PCDH11X: variants seen among roughly 807,000 people sequenced by gnomAD.
PCDH11X encodes protocadherin-11 X-linked.
Under a neutral mutation model 53.3 loss-of-function variants are expected in PCDH11X, and 18 were observed. The observed-to-expected ratio is 0.34, with a 90% CI of 0.23 to 0.50. The LOEUF is 0.50. PCDH11X is among the 20% of genes least tolerant of loss of function. The pLI, the probability that PCDH11X is intolerant of heterozygous loss-of-function variation, is 0.98. For synonymous variants in PCDH11X, 279 were observed against 393.3 expected (o/e 0.71, Z 3.44); for missense variants, 570 against 1,032.4 (o/e 0.55, Z 6.14).
intron 6 of PCDH11X, among the ~76,000 whole-genome samples, chrX:91,924,596 C>T (rs112366496): frequency 6.6e-4 from 74 of 112,053 alleles, no homozygotes; most frequent in African/African-American, 2.2e-3. Flanking sequence ...TAAATCAAGC[C>T]ATATGCATAA....
chrX:92,620,499 A>G lies in PCDH11X; in HGVS notation c.*1559A>G, dbSNP rs925639365. On this transcript the variant is annotated 3_prime_UTR_variant, in exon 11 of 11. Coordinates refer to ENST00000682573, the MANE Select transcript of PCDH11X (RefSeq NM_032968.5). ...GCGGTTGGGGTGGGGGGGGGAGTCA[A>G]TATCTCCTATTGATTAACTTAGACA... 9.2e-5 allele frequency: 10 copies of G among 108,493 alleles called. No homozygotes were observed. Among genetic ancestry groups the G allele is most frequent in the African/African-American group, 3.0e-4 (9 of 29,908 alleles). The allele number at this position is 108,493 out of a possible 1,213,427, so 8.9% of individuals were successfully genotyped here.
chrX:92,307,050 A>G (rs1368207633), intron 8 of PCDH11X, among the ~76,000 whole-genome samples: 3 of 109,654 alleles, frequency 2.7e-5, no homozygotes, highest in Non-Finnish European at 5.7e-5. Context: ...AGAAAAGTTA[A>G]CATCAATCCC....
chrX:92,387,508 T>C, intron 8 of PCDH11X: 2 of 331,397 alleles, frequency 6.0e-6, no homozygotes, highest in Non-Finnish European at 7.9e-6. Context: ...TCATTCTGCA[T>C]CTGGCTGTGC....
At chrX:91,983,985 A>G (rs1358138769) in intron 6 of PCDH11X, among the ~76,000 whole-genome samples, 1 of 108,614 alleles carries the variant, frequency 9.2e-6, no homozygotes, top group Non-Finnish European at 1.9e-5. Context: ...AATCATCTCA[A>G]TTTACTACTG....
At chrX:91,926,404 C>T (rs1466511956) in intron 6 of PCDH11X, among the ~76,000 whole-genome samples, 1 of 111,110 alleles carries the variant, frequency 9.0e-6, no homozygotes, top group East Asian at 2.9e-4. Context: ...CAAAAACACC[C>T]TTCAAGTTGG....
chrX:92,223,691 GCT>G (rs1329646346), intron 7 of PCDH11X, among the ~76,000 whole-genome samples: 1 of 111,658 alleles, frequency 9.0e-6, no homozygotes, highest in African/African-American at 3.3e-5. Flanking sequence ...CTATTTAATA[GCT>G]CTGAGTTTTA....
chrX:92,093,359 G>T lies in PCDH11X; in HGVS notation c.3034-108016G>T, dbSNP rs1405680495. ...TTGCTTTTCCCTTTTAGCATAATTTGCACATTTTAAATCATGTAACCATTT... is the reference window on the plus strand; with the variant it reads ...TTGCTTTTCCCTTTTAGCATAATTTTCACATTTTAAATCATGTAACCATTT... On this transcript the variant is annotated intron_variant, in intron 6 of 10. Coordinates refer to ENST00000682573, the MANE Select transcript of PCDH11X (RefSeq NM_032968.5). 3.6e-5 allele frequency among the ~76,000 whole-genome samples: 4 copies of T among 110,904 alleles called. No individual in the cohort carries two copies. In the Admixed American group the frequency reaches 3.9e-4, roughly 11 times the overall value.
chrX:92,218,626 G>C (rs1472578012), intron 7 of PCDH11X, among the ~76,000 whole-genome samples: 1 of 111,139 alleles, frequency 9.0e-6, no homozygotes, highest in Non-Finnish European at 1.9e-5. Context: ...GTACAAGGAG[G>C]AATTGGTACC....
chrX:92,165,495 C>T (rs1282220615), intron 6 of PCDH11X, among the ~76,000 whole-genome samples: 2 of 111,703 alleles, frequency 1.8e-5, no homozygotes, highest in African/African-American at 6.5e-5. Flanking sequence ...CTATTACATA[C>T]ATAAGTCCCC....
At chrX:92,287,753 G>T (rs2068407854) in intron 8 of PCDH11X, among the ~76,000 whole-genome samples, 1 of 111,725 alleles carries the variant, frequency 9.0e-6, no homozygotes. Flanking sequence ...AAATAGATCT[G>T]ATATGGTTTA....
intron 9 of PCDH11X, among the ~76,000 whole-genome samples, chrX:92,410,802 T>C (rs1266174510): frequency 3.1e-5 from 3 of 95,829 alleles, no homozygotes; most frequent in Non-Finnish European, 5.9e-5. Flanking sequence ...AGAGAATTTG[T>C]ATAAGTAGTA....
chrX:92,099,518 C>A (rs112215955), intron 6 of PCDH11X, among the ~76,000 whole-genome samples: 4,276 of 111,186 alleles, frequency 0.038, 207 homozygotes, highest in African/African-American at 0.13. Flanking sequence ...ATTGAATAAA[C>A]CTCAGTGAGA....
chrX:92,212,838 C>A (rs1234951313), intron 7 of PCDH11X, among the ~76,000 whole-genome samples: 1 of 99,491 alleles, frequency 1.0e-5, no homozygotes, highest in Admixed American at 1.1e-4. Flanking sequence ...GAATCACACA[C>A]TTCATAGTTT....
intron 6 of PCDH11X, among the ~76,000 whole-genome samples, chrX:92,116,268 A>G (rs1197240833): frequency 1.8e-5 from 2 of 112,157 alleles, no homozygotes; most frequent in Non-Finnish European, 3.8e-5. Flanking sequence ...ATGTTTTATT[A>G]AATAGCCTAT....
chrX:92,360,762 G>A (rs1232542146), intron 8 of PCDH11X, among the ~76,000 whole-genome samples: 1 of 109,711 alleles, frequency 9.1e-6, no homozygotes, highest in Non-Finnish European at 1.9e-5. Flanking sequence ...GGGCACTGCA[G>A]GTCTTCATTA....
chrX:92,334,844 TAC>T (rs1386265286), intron 8 of PCDH11X, among the ~76,000 whole-genome samples: 48 of 110,865 alleles, frequency 4.3e-4, no homozygotes, highest in African/African-American at 1.5e-3. Context: ...ATTATAAGAA[TAC>T]AGTAGGTAGT....
intron 10 of PCDH11X, among the ~76,000 whole-genome samples, chrX:92,601,393 T>TGAAA (rs1339036282): frequency 6.1e-5 from 6 of 98,010 alleles, no homozygotes; most frequent in African/African-American, 1.9e-4. Flanking sequence ...TCTCAAGAGA[T>TGAAA]GAAAGAAAGA....
intron 6 of PCDH11X, among the ~76,000 whole-genome samples, chrX:92,064,376 A>G (rs1193022430): frequency 9.1e-6 from 1 of 110,235 alleles, no homozygotes; most frequent in Non-Finnish European, 1.9e-5. Context: ...CATACAATAC[A>G]ATGCACCAAT....
At chrX:92,015,805 A>T (rs1180603522) in intron 6 of PCDH11X, among the ~76,000 whole-genome samples, 1 of 111,691 alleles carries the variant, frequency 9.0e-6, no homozygotes, top group Non-Finnish European at 1.9e-5. Context: ...GTCAATATTG[A>T]TATTTTGACC....
Sources: allele counts gnomAD v4.1 joint callset (sites outside exome capture counted in the v4.1 genomes callset), GRCh38; gene constraint gnomAD v4.1.1; transcripts MANE v1.5; gene names NCBI Gene and HGNC (gene_info 2026-07-23, HGNC 2026-07-21).